Variants in GRK5 observed in about 807,000 individuals in gnomAD.
GRK5 encodes the protein G protein-coupled receptor kinase 5.
A neutral mutation model predicts 78.4 loss-of-function variants in GRK5; 40 were observed. The ratio of observed to expected loss-of-function variants is 0.51; its 90% confidence interval spans 0.40 to 0.66. The LOEUF is 0.66. GRK5 is among the 30% of genes least tolerant of loss of function. The probability of loss-of-function intolerance (pLI) is 0.00; values close to 1 mark genes in which losing one functional copy is unlikely to be tolerated. For missense variants in GRK5, 598 were observed against 759.9 expected (o/e 0.79, Z 2.50); for synonymous variants, 289 against 296.8 (o/e 0.97, Z 0.27).
chr10:119,263,783 G>A (rs942717824), intron 1 of GRK5, among the ~76,000 whole-genome samples: 6 of 151,978 alleles, frequency 3.9e-5, no homozygotes, highest in Non-Finnish European at 4.4e-5. Flanking sequence ...AAAATTAGCC[G>A]GGCGTGGTGG....
At chr10:119,403,204 TC>T (rs1852179828) in intron 4 of GRK5, among the ~76,000 whole-genome samples, 1 of 152,098 alleles carries the variant, frequency 6.6e-6, no homozygotes, top group Non-Finnish European at 1.5e-5. Flanking sequence ...TCTCGCTCTG[TC>T]CCCCAGGCTG....
intron 9 of GRK5, among the ~76,000 whole-genome samples, chr10:119,438,212 G>A (rs1428281121): frequency 1.3e-5 from 2 of 152,170 alleles, no homozygotes; most frequent in Admixed American, 6.5e-5. Flanking sequence ...AGTCATACTC[G>A]GGAGGGGAGG....
chr10:119,293,741 C>T (rs1297981706), intron 1 of GRK5, among the ~76,000 whole-genome samples: 3 of 139,620 alleles, frequency 2.1e-5, no homozygotes, highest in Non-Finnish European at 3.1e-5. Context: ...GCCTCTGCCC[C>T]GAGGCAGCAG....
At chr10:119,439,175 A>G (rs1249543901) in intron 9 of GRK5, among the ~76,000 whole-genome samples, 1 of 152,264 alleles carries the variant, frequency 6.6e-6, no homozygotes, top group Non-Finnish European at 1.5e-5. Flanking sequence ...GAGAGGAGAC[A>G]TTAGGGACAG....
intron 1 of GRK5, among the ~76,000 whole-genome samples, chr10:119,228,781 G>T (rs145706930): frequency 6.6e-6 from 1 of 152,224 alleles, no homozygotes; most frequent in African/African-American, 2.4e-5. Context: ...TGGGGAGGGG[G>T]TGACAATGCC....
intron 1 of GRK5, among the ~76,000 whole-genome samples, chr10:119,285,362 C>T (rs1849830772): frequency 6.6e-6 from 1 of 152,182 alleles, no homozygotes; most frequent in South Asian, 2.1e-4. Flanking sequence ...GAAGAAACCT[C>T]CCTGGGCCAG....
At chr10:119,346,748 C>T (rs1189180667) in intron 2 of GRK5, among the ~76,000 whole-genome samples, 1 of 152,140 alleles carries the variant, frequency 6.6e-6, no homozygotes, top group Non-Finnish European at 1.5e-5. Context: ...GTCCTCCCTG[C>T]TCACCGGGTC....
chr10:119,249,674 T>A (rs1472090878), intron 1 of GRK5, among the ~76,000 whole-genome samples: 3 of 152,136 alleles, frequency 2.0e-5, no homozygotes, highest in Non-Finnish European at 1.5e-5. Context: ...ATTTTTTAAA[T>A]ATTTTTAGTA....
chr10:119,413,572 T>C (rs756668726), intron 4 of GRK5, among the ~76,000 whole-genome samples: 4 of 152,052 alleles, frequency 2.6e-5, no homozygotes, highest in Non-Finnish European at 5.9e-5. Context: ...AAGCGTTCCG[T>C]CTGCGGGCAT....
chr10:119,371,897 A>G (rs12249038), intron 2 of GRK5, among the ~76,000 whole-genome samples: 1,549 of 152,274 alleles, frequency 0.01, 15 homozygotes, highest in African/African-American at 0.036. Context: ...CCCGGCAGCA[A>G]CCAGCTAACT....
intron 3 of GRK5, among the ~76,000 whole-genome samples, chr10:119,387,257 G>T (rs1171027461): frequency 6.6e-6 from 1 of 152,182 alleles, no homozygotes; most frequent in African/African-American, 2.4e-5. Flanking sequence ...GCCTGCCTCA[G>T]CCTCTCAAAG....
chr10:119,382,307 G>C (rs1851724941), intron 3 of GRK5, among the ~76,000 whole-genome samples: 1 of 151,994 alleles, frequency 6.6e-6, no homozygotes, highest in South Asian at 2.1e-4. Flanking sequence ...TTCAATCTTA[G>C]CTGGGCGTTA....
At chr10:119,417,756 G>A (rs1353566106) in intron 4 of GRK5, among the ~76,000 whole-genome samples, 1 of 152,176 alleles carries the variant, frequency 6.6e-6, no homozygotes, top group East Asian at 1.9e-4. Flanking sequence ...ACAAAAAGGA[G>A]GGGAGAGGCT....
intron 1 of GRK5, among the ~76,000 whole-genome samples, chr10:119,321,590 A>G (rs991700032): frequency 1.3e-5 from 2 of 152,230 alleles, no homozygotes; most frequent in East Asian, 3.8e-4. Flanking sequence ...TGTTGGTGAC[A>G]GTGGGCCCAC....
intron 1 of GRK5, among the ~76,000 whole-genome samples, chr10:119,272,823 T>C (rs1849606350): frequency 6.6e-6 from 1 of 152,116 alleles, no homozygotes; most frequent in Non-Finnish European, 1.5e-5. Context: ...CTGTCAGATA[T>C]TCACAGTTGT....
intron 5 of GRK5, 57 bp downstream of exon 5, chr10:119,423,323 G>A (rs1008386703): frequency 8.3e-6 from 10 of 1,205,912 alleles, no homozygotes; most frequent in African/African-American, 3.0e-5. Flanking sequence ...ATGGGATGCC[G>A]CAGCTCTCCA....
intron 1 of GRK5, among the ~76,000 whole-genome samples, chr10:119,223,180 C>T (rs1409568234): frequency 6.6e-6 from 1 of 152,208 alleles, no homozygotes; most frequent in Non-Finnish European, 1.5e-5. Context: ...TGTCTTCTCC[C>T]TGTGCGTCTT....
At chr10:119,339,969 A>C (rs923797355) in intron 2 of GRK5, among the ~76,000 whole-genome samples, 1 of 152,222 alleles carries the variant, frequency 6.6e-6, no homozygotes, top group Non-Finnish European at 1.5e-5. Context: ...GGCATGAGCT[A>C]CTGTTGGCTG....
In GRK5 at chr10:119,430,346, G is replaced by A. The variant is rs1372368910; in HGVS notation, c.534-29G>A. The A allele has an allele frequency of 6.2e-7, 1 of 1,600,730 alleles. No individual in the cohort carries two copies. The highest frequency in any genetic ancestry group is 1.7e-5 in the Admixed American group (1 of 59,938). ...TGGATTCTGAGTCTTGGCACCATGA[G>A]ACCAGTGTGGGATTCTTCTTTCTTC... On this transcript the variant is annotated intron_variant, in intron 6 of 15. Coordinates refer to ENST00000392870, the MANE Select transcript of GRK5 (RefSeq NM_005308.3). This position sits in a 1 kb window ranked among gnomAD's most constrained non-coding sequence, Gnocchi z 4.5.
Sources: allele counts gnomAD v4.1 joint callset (sites outside exome capture counted in the v4.1 genomes callset), GRCh38; gene constraint gnomAD v4.1.1; non-coding constraint Gnocchi (gnomAD v3.1); transcripts MANE v1.5; gene names NCBI Gene and HGNC (gene_info 2026-07-23, HGNC 2026-07-21).